The following IQCN variants were observed in gnomAD, a reference collection of about 807,000 sequenced individuals.
IQCN encodes IQ domain-containing protein N.
Under a neutral mutation model 64.4 loss-of-function variants are expected in IQCN, and 46 were observed. The ratio of observed to expected loss-of-function variants is 0.71; its 90% CI spans 0.56 to 0.91. The LOEUF is 0.91. IQCN is among the 40% of genes least tolerant of loss of function. The probability of loss-of-function intolerance (pLI) is 0.00; values close to 1 mark genes in which losing one functional copy is unlikely to be tolerated. For missense variants in IQCN, 1,753 were observed against 1,857.4 expected, an observed-to-expected ratio of 0.94 and a Z score of 1.03; for synonymous variants, 733 against 775.6, an observed-to-expected ratio of 0.95 and a Z score of 0.91.
At chr19:18,274,068 T>C (rs903723854) in intron 1 of IQCN, among the ~76,000 whole-genome samples, 2 of 152,054 alleles carry the variant, frequency 1.3e-5, no homozygotes, top group African/African-American at 4.8e-5. Context: ...CCCAAGAGTT[T>C]GAAAACAGCC....
intron 3 of IQCN, among the ~76,000 whole-genome samples, chr19:18,263,626 C>A (rs8113654): frequency 0.26 from 40,147 of 151,784 alleles, 5,400 homozygotes; most frequent in Admixed American, 0.34. Flanking sequence ...CCCGGGGGGG[C>A]CTGTTTGCGA....
chr19:18,270,326 A>C (rs1212318273), intron 1 of IQCN, among the ~76,000 whole-genome samples: 2 of 145,894 alleles, frequency 1.4e-5, no homozygotes, highest in Admixed American at 7.1e-5. Context: ...GTGCCATTGT[A>C]CTCCATCTGG....
rs372875431 is a variant in IQCN at position 18,257,570 on chromosome 19, C to T, written c.3714G>A (p.Arg1238=). The T allele has an allele frequency of 4.3e-6, 7 of 1,612,572 alleles. No homozygotes were observed. Among genetic ancestry groups the T allele is most frequent in the Non-Finnish European group, 5.9e-6 (7 of 1,179,890 alleles). Reference sequence around the variant, plus strand: ...TCACCACGCTGGGCGGGCTCCCGATCCTGGAGCTCAGGGAGTGGCAGACGC... The same window carrying T: ...TCACCACGCTGGGCGGGCTCCCGATTCTGGAGCTCAGGGAGTGGCAGACGC... The part of the protein sequence containing the change: ...ACSVCHSLSS[R]IGSPPSVVML... Residue 1238 remains arginine, a synonymous_variant, in exon 4 of 4, where the codon AGG becomes AGA. Coordinates refer to ENST00000392413, the MANE Select transcript of IQCN (RefSeq NM_001145304.2).
At chr19:18,258,199 TA>T in intron 3 of IQCN, 93 bp from the exon 4 acceptor site, 4 of 1,394,298 alleles carry the variant, frequency 2.9e-6, no homozygotes, top group Non-Finnish European at 4.0e-6. Context: ...GACTCCTGGT[TA>T]AAAAGGGGTG....
At position 18,264,419 on chromosome 19, in the gene IQCN, T is replaced by C; in HGVS notation, c.3121A>G (p.Ser1041Gly). The part of the protein sequence containing the change: ...PALVKVACRR[S>G]PSAAWGPSLG... ...GAGGGCCCCCATGCGGCCGATGGAC[T>C]CCTCCTGCAGGCCACCTTCACCAGG... Residue 1041 changes from serine (S) to glycine (G), a missense_variant, in exon 3 of 4, where the codon AGT becomes GGT. Transcript: ENST00000392413. The surrounding 1 kb of genome is among the most constrained non-coding windows in gnomAD (Gnocchi z 4.3). 3 of 1,544,296 alleles carry C rather than the reference T, an allele frequency of 1.9e-6. No individual in the cohort carries two copies. The highest frequency in any genetic ancestry group is 2.6e-6 in the Non-Finnish European group (3 of 1,143,108).
At chr19:18,272,047 A>G (rs1282251060) in intron 1 of IQCN, among the ~76,000 whole-genome samples, 6 of 151,508 alleles carry the variant, frequency 4.0e-5, no homozygotes, top group African/African-American at 1.5e-4. Flanking sequence ...GGCTGGTCTC[A>G]AACTCCTGAT....
rs201206053 is a variant in IQCN at position 18,257,266 on chromosome 19, G to A, written c.4018C>T (p.Arg1340Trp). The change falls in exon 4 of 4, where the codon CGG becomes TGG. Residue 1340 changes from arginine to tryptophan, a missense_variant. Physicochemically the swap from Arg to Trp is moderately radical, Grantham distance 101. Coordinates refer to ENST00000392413, the MANE Select transcript of IQCN (RefSeq NM_001145304.2). ...GCCTCTGTGTTCTTCAGACAGCTCC[G>A]GGTATGGTGGCCTCGCCAGGTGGCT... ...VQATWRGHHT[R>W]SCLKNTEALL... The A allele has an allele frequency of 3.7e-5, 59 of 1,613,714 alleles. No homozygotes were observed. Among genetic ancestry groups the A allele is most frequent in the Middle Eastern group, 1.6e-4 (1 of 6,062 alleles).
At chr19:18,263,322 T>TG (rs143858902) in intron 3 of IQCN, among the ~76,000 whole-genome samples, 4,264 of 152,338 alleles carry the variant, frequency 0.028, 64 homozygotes, top group African/African-American at 0.041. Flanking sequence ...CACAAAGCCC[T>TG]GGGAGAAGCT....
chr19:18,266,649 T>C lies in IQCN; in HGVS notation c.891A>G (p.Pro297=), dbSNP rs761286242. The change falls in exon 3 of 4, where the codon CCA becomes CCG. Residue 297 remains proline (P), a synonymous_variant. Coordinates refer to ENST00000392413, the MANE Select transcript of IQCN (RefSeq NM_001145304.2). This position sits in a 1 kb window ranked among gnomAD's most constrained non-coding sequence, Gnocchi z 4.3. ...RTNKARAPET[P]LSRRYDQAVT... ...CTGCCTGGTCATACCTTCTGGACAATGGTGTCTCCGGAGCCCTGGCTTTGT... is the reference window on the plus strand; with the variant it reads ...CTGCCTGGTCATACCTTCTGGACAACGGTGTCTCCGGAGCCCTGGCTTTGT... 1.6e-5 allele frequency: 26 copies of C among 1,613,940 alleles called. No homozygotes were observed. Among genetic ancestry groups the C allele is most frequent in the Non-Finnish European group, 2.2e-5 (26 of 1,180,002 alleles).
chr19:18,266,563 G>A lies in IQCN; in HGVS notation c.977C>T (p.Pro326Leu). ...CATGGGCCCTGGACATATCTGGAAG[G>A]GGGCTTTGGGGGTCTCTGCTTTCAC... ...GPVKAETPKAPFQICPGPMIT... is the reference protein window; with the variant it reads ...GPVKAETPKALFQICPGPMIT... The change falls in exon 3 of 4, where the codon CCC becomes CTC. Residue 326 changes from proline to leucine, a missense_variant. By Grantham distance (98) the Pro-to-Leu change is moderately conservative (BLOSUM62 -3). Coordinates refer to ENST00000392413, the MANE Select transcript of IQCN (RefSeq NM_001145304.2). This position sits in a 1 kb window ranked among gnomAD's most constrained non-coding sequence, Gnocchi z 4.3. The A allele has an allele frequency of 1.9e-6, 3 of 1,613,384 alleles. No individual in the cohort carries two copies. The highest frequency in any genetic ancestry group is 1.1e-5 in the South Asian group (1 of 91,010).
At chr19:18,262,534 G>T (rs1469458291) in intron 3 of IQCN, 1 of 152,440 alleles carries the variant, frequency 6.6e-6, no homozygotes, top group East Asian at 1.9e-4. Flanking sequence ...GCCATTGATT[G>T]GTGACCTTGG....
chr19:18,257,542 G>C lies in IQCN; in HGVS notation c.3742C>G (p.Leu1248Val). ...CAGGTGCGAGGGCTGGAGCCCACTA[G>C]CATCACCACGCTGGGCGGGCTCCCG... ...RIGSPPSVVMLVGSSPRTCHT... is the reference protein window; with the variant it reads ...RIGSPPSVVMVVGSSPRTCHT... The change falls in exon 4 of 4, where the codon CTA (leucine) becomes GTA (valine). Residue 1248 changes from leucine to valine, a missense_variant. Coordinates refer to ENST00000392413, the MANE Select transcript of IQCN (RefSeq NM_001145304.2). 1 of 1,612,078 alleles carries C rather than the reference G, an allele frequency of 6.2e-7. No homozygotes were observed. The highest frequency in any genetic ancestry group is 8.5e-7 in the Non-Finnish European group (1 of 1,179,650).
chr19:18,264,601 G>A lies in IQCN; in HGVS notation c.2939C>T (p.Thr980Met), dbSNP rs1207669932. Residue 980 changes from threonine to methionine, a missense_variant, in exon 3 of 4, where the codon ACG (threonine) becomes ATG (methionine). Thr to Met is a moderately conservative substitution (Grantham distance 81). Coordinates refer to ENST00000392413, the MANE Select transcript of IQCN (RefSeq NM_001145304.2). This position sits in a 1 kb window ranked among gnomAD's most constrained non-coding sequence, Gnocchi z 4.3. ...GCTCAGAGCCACCCACTCCTCCTCCGTCAAAGCCTTGCTAAGCACCTCGGC... is the reference window on the plus strand; with the variant it reads ...GCTCAGAGCCACCCACTCCTCCTCCATCAAAGCCTTGCTAAGCACCTCGGC... ...KLAEVLSKALTEEEWVALSQA... is the reference protein window; with the variant it reads ...KLAEVLSKALMEEEWVALSQA... 7.1e-6 allele frequency: 11 copies of A among 1,551,206 alleles called. No individual in the cohort carries two copies. The highest frequency in any genetic ancestry group is 3.6e-5 in the South Asian group (3 of 84,046).
In IQCN at chr19:18,265,973, G is replaced by A. The variant is rs943274191; in HGVS notation, c.1567C>T (p.Pro523Ser). ...TILKTLCLASPTVANVKAPPQ... is the reference protein window; with the variant it reads ...TILKTLCLASSTVANVKAPPQ... ...GGAGCCTTGACATTTGCCACTGTTG[G>A]AGAGGCCAGACACAGAGTCTTGAGG... Residue 523 changes from proline (P) to serine (S), a missense_variant, in exon 3 of 4, where the codon CCA becomes TCA. Physicochemically the swap from Pro to Ser is moderately conservative, Grantham distance 74. Transcript: ENST00000392413. The surrounding 1 kb of genome is among the most constrained non-coding windows in gnomAD (Gnocchi z 4.7). 39 of 1,614,172 alleles carry A rather than the reference G, an allele frequency of 2.4e-5. No individual in the cohort carries two copies. Among genetic ancestry groups the A allele is most frequent in the Non-Finnish European group, 3.3e-5 (39 of 1,180,018 alleles).
At chr19:18,272,254 A>G (rs1969749130) in intron 1 of IQCN, among the ~76,000 whole-genome samples, 1 of 151,302 alleles carries the variant, frequency 6.6e-6, no homozygotes, top group Admixed American at 6.6e-5. Context: ...CAGCCTCCTG[A>G]GCAGCTGGGA....
chr19:18,265,332 G>A lies in IQCN; in HGVS notation c.2208C>T (p.Ala736=). 1 of 1,614,178 alleles carries A rather than the reference G, an allele frequency of 6.2e-7. No individual in the cohort carries two copies. The highest frequency in any genetic ancestry group is 8.5e-7 in the Non-Finnish European group (1 of 1,180,022). The change falls in exon 3 of 4, where the codon GCC becomes GCT. Residue 736 remains alanine, a synonymous_variant. Transcript: ENST00000392413. This position sits in a 1 kb window ranked among gnomAD's most constrained non-coding sequence, Gnocchi z 4.7. ...AVKVQSQAPL[A]TCLTKTQSRG... Reference sequence around the variant, plus strand: ...GGGACTGCGTCTTGGTCAGACAGGTGGCTAGAGGCGCTTGGGACTGGACCT... The same window carrying A: ...GGGACTGCGTCTTGGTCAGACAGGTAGCTAGAGGCGCTTGGGACTGGACCT...
chr19:18,264,925 G>A lies in IQCN; in HGVS notation c.2615C>T (p.Thr872Met), dbSNP rs375296011. 8 of 1,612,924 alleles carry A rather than the reference G, an allele frequency of 5.0e-6. No individual in the cohort carries two copies. Among genetic ancestry groups the A allele is most frequent in the Admixed American group, 1.7e-5 (1 of 59,996 alleles). Reference sequence around the variant, plus strand: ...CAAGGAGGCCAGCAGGGAGCCTACCGTGTCCTCCTGGCAGGGCACCGCCTG... The same window carrying A: ...CAAGGAGGCCAGCAGGGAGCCTACCATGTCCTCCTGGCAGGGCACCGCCTG... ...PGQAVPCQED[T>M]VGSLLASLCA... Residue 872 changes from threonine (T) to methionine (M), a missense_variant, in exon 3 of 4, where the codon ACG becomes ATG. By Grantham distance (81) the Thr-to-Met change is moderately conservative. Coordinates refer to ENST00000392413, the MANE Select transcript of IQCN (RefSeq NM_001145304.2). The surrounding 1 kb of genome is among the most constrained non-coding windows in gnomAD (Gnocchi z 4.3).
In IQCN at chr19:18,258,800, T is replaced by C. The variant is rs146673285; in HGVS notation, c.3178-694A>G. The C allele has an allele frequency of 3.8e-5, 8 of 212,372 alleles. No individual in the cohort carries two copies. In the Admixed American group the frequency reaches 4.2e-4, roughly 11 times the overall value. 13.2% of individuals were successfully genotyped at this position (212,372 alleles called of 1,614,324 possible). A position where few individuals can be genotyped will look rare whatever the true frequency, so the allele number is the denominator to read the frequency against. ...GTATGACGTGAGTGACAGACCCCTGTTGATAAACTGAGGGGGACTTAGTGG... is the reference window on the plus strand; with the variant it reads ...GTATGACGTGAGTGACAGACCCCTGCTGATAAACTGAGGGGGACTTAGTGG... On this transcript the variant is annotated intron_variant, in intron 3 of 3. Coordinates refer to ENST00000392413, the MANE Select transcript of IQCN (RefSeq NM_001145304.2).
intron 2 of IQCN, 109 bp downstream of exon 2, chr19:18,269,357 T>A: frequency 8.8e-7 from 1 of 1,134,892 alleles, no homozygotes; most frequent in East Asian, 2.4e-5. Flanking sequence ...GCTGGGACAC[T>A]GTCAAGCCAC....
Sources: gnomAD v4.1 joint callset for allele counts (sites outside exome capture counted in the v4.1 genomes callset) on GRCh38, gnomAD v4.1.1 for gene constraint, Gnocchi (gnomAD v3.1) non-coding constraint, MANE v1.5 for transcripts, NCBI Gene and HGNC (gene_info 2026-07-23, HGNC 2026-07-21) for gene names.